The following GPR158 variants were observed in gnomAD, a reference collection of about 807,000 sequenced individuals.
GPR158 encodes the protein metabotropic glycine receptor.
Under a neutral mutation model 78.2 loss-of-function variants are expected in GPR158, and 30 were observed. The ratio of observed to expected loss-of-function variants is 0.38; its 90% CI spans 0.29 to 0.52. The LOEUF (loss-of-function observed/expected upper bound fraction) is 0.52, where lower values mean the gene tolerates loss of function less well. Ranked by LOEUF, GPR158 falls within the 20% of genes least tolerant of loss-of-function variation. The probability of loss-of-function intolerance (pLI) is 0.83; values close to 1 mark genes in which losing one functional copy is unlikely to be tolerated. For synonymous variants in GPR158, 581 were observed against 591.1 expected (o/e 0.98, Z 0.25); for missense variants, 1,463 against 1,523.5 (o/e 0.96, Z 0.66).
intron 2 of GPR158, among the ~76,000 whole-genome samples, chr10:25,225,183 C>CTTT (rs60603738): frequency 0.11 from 15,202 of 134,576 alleles, 1,038 homozygotes; most frequent in East Asian, 0.27. Context: ...GAACATTTGC[C>CTTT]TTTTTTTTTT....
chr10:25,484,488 G>T (rs1292637787), intron 5 of GPR158, among the ~76,000 whole-genome samples: 1 of 152,146 alleles, frequency 6.6e-6, no homozygotes, highest in Non-Finnish European at 1.5e-5. Context: ...ACACAATTTG[G>T]CAGTAGACTA....
At chr10:25,407,651 C>T (rs1834532202) in intron 3 of GPR158, among the ~76,000 whole-genome samples, 1 of 152,114 alleles carries the variant, frequency 6.6e-6, no homozygotes, top group South Asian at 2.1e-4. Flanking sequence ...ATACTAAACA[C>T]CTTGGAGACA....
At chr10:25,426,041 A>G (rs7901978) in intron 4 of GPR158, among the ~76,000 whole-genome samples, 126,353 of 152,098 alleles carry the variant, frequency 0.83, 53,624 homozygotes, top group African/African-American at 0.91. Context: ...TAAACAAACT[A>G]AGTTAAAATT....
chr10:25,500,657 G>C (rs1025332149), intron 5 of GPR158, among the ~76,000 whole-genome samples: 3 of 152,144 alleles, frequency 2.0e-5, no homozygotes, highest in African/African-American at 4.8e-5. Context: ...ATTTTTCTCT[G>C]TTTTCTTTGC....
At chr10:25,330,946 T>A (rs1038312059) in intron 2 of GPR158, among the ~76,000 whole-genome samples, 11 of 152,158 alleles carry the variant, frequency 7.2e-5, no homozygotes, top group Non-Finnish European at 1.6e-4. Context: ...AAATATTTTG[T>A]TTATTTACTT....
intron 2 of GPR158, among the ~76,000 whole-genome samples, chr10:25,297,830 C>A (rs1259127733): frequency 6.6e-6 from 1 of 152,134 alleles, no homozygotes; most frequent in African/African-American, 2.4e-5. Context: ...AGCAAGGACA[C>A]CCCCTACAAG....
chr10:25,556,983 A>G (rs542839371), intron 6 of GPR158, among the ~76,000 whole-genome samples: 1 of 152,340 alleles, frequency 6.6e-6, no homozygotes, highest in South Asian at 2.1e-4. Flanking sequence ...TGAGATGAAG[A>G]TTTAAGGTTT....
At chr10:25,433,562 TGTGTGTGTGC>T (rs1399359256) in intron 4 of GPR158, among the ~76,000 whole-genome samples, 2 of 148,114 alleles carry the variant, frequency 1.4e-5, no homozygotes, top group African/African-American at 5.0e-5. Context: ...TGTGTGTGTG[TGTGTGTGTGC>T]GCGCGCGCGT....
chr10:25,503,893 CTT>C (rs60614079), intron 5 of GPR158, among the ~76,000 whole-genome samples: 17 of 140,638 alleles, frequency 1.2e-4, no homozygotes, highest in East Asian at 4.1e-4. Flanking sequence ...TCTATTTTCA[CTT>C]TTTTTTTTTT....
chr10:25,290,671 G>A (rs1476426469), intron 2 of GPR158, among the ~76,000 whole-genome samples: 1 of 151,782 alleles, frequency 6.6e-6, no homozygotes, highest in East Asian at 1.9e-4. Flanking sequence ...CTTTGTGGGA[G>A]GGAGGTGGTC....
At chr10:25,474,213 T>C (rs547608181) in intron 5 of GPR158, among the ~76,000 whole-genome samples, 9 of 152,202 alleles carry the variant, frequency 5.9e-5, no homozygotes, top group African/African-American at 2.2e-4. Flanking sequence ...GGAAGGCAGC[T>C]CTGCAACACC....
intron 4 of GPR158, among the ~76,000 whole-genome samples, chr10:25,428,428 T>C (rs1834852423): frequency 6.6e-6 from 1 of 152,116 alleles, no homozygotes; most frequent in Admixed American, 6.6e-5. Context: ...CTGATGAGAC[T>C]GTCATTTCAG....
At position 25,596,771 on chromosome 10, in the gene GPR158, G is replaced by C. The variant is rs760398849; in HGVS notation, c.2127G>C (p.Leu709Phe). Reference sequence around the variant, plus strand: ...ATTCAGCCTGGAGTGAGCACAGCTTGGATCCAGAGGACATTCGGGTAATGC... The same window carrying C: ...ATTCAGCCTGGAGTGAGCACAGCTTCGATCCAGAGGACATTCGGGTAATGC... ...SINSAWSEHS[L>F]DPEDIRDELK... Residue 709 changes from leucine to phenylalanine, a missense_variant, in exon 10 of 11, where the codon TTG becomes TTC. Transcript: ENST00000376351. 6.2e-7 allele frequency: 1 copy of C among 1,613,330 alleles called. No homozygotes were observed. Among genetic ancestry groups the C allele is most frequent in the Admixed American group, 1.7e-5 (1 of 59,882 alleles).
intron 5 of GPR158, among the ~76,000 whole-genome samples, chr10:25,545,692 G>A (rs1027160046): frequency 1.3e-5 from 2 of 151,958 alleles, no homozygotes; most frequent in African/African-American, 2.4e-5. Flanking sequence ...ATCCGAATTC[G>A]ATGTCCCATA....
intron 1 of GPR158, among the ~76,000 whole-genome samples, chr10:25,178,028 T>G (rs1002716674): frequency 6.6e-5 from 10 of 152,318 alleles, no homozygotes; most frequent in African/African-American, 1.2e-4. Flanking sequence ...AAATGAGTCT[T>G]TTTAGGGAGC....
chr10:25,411,750 A>T (rs1834587008), intron 3 of GPR158, among the ~76,000 whole-genome samples: 1 of 152,058 alleles, frequency 6.6e-6, no homozygotes, highest in East Asian at 1.9e-4. Context: ...TCTGGCTAAC[A>T]CAGTGAAACC....
intron 4 of GPR158, among the ~76,000 whole-genome samples, chr10:25,464,063 A>T (rs1835391571): frequency 6.6e-6 from 1 of 152,200 alleles, no homozygotes; most frequent in African/African-American, 2.4e-5. Context: ...ACATTTTATT[A>T]TGGAACCACT....
chr10:25,240,846 T>C (rs1853594577), intron 2 of GPR158, among the ~76,000 whole-genome samples: 1 of 152,234 alleles, frequency 6.6e-6, no homozygotes, highest in Non-Finnish European at 1.5e-5. Flanking sequence ...TTCTTTACTC[T>C]TGAATCAATA....
At chr10:25,382,284 G>T (rs1834165474) in intron 2 of GPR158, among the ~76,000 whole-genome samples, 1 of 152,192 alleles carries the variant, frequency 6.6e-6, no homozygotes, top group Non-Finnish European at 1.5e-5. Flanking sequence ...CCCCCACAAG[G>T]CATCTTGCTG....
Sources: allele counts gnomAD v4.1 joint callset (sites outside exome capture counted in the v4.1 genomes callset), GRCh38; gene constraint gnomAD v4.1.1; transcripts MANE v1.5; gene names NCBI Gene and HGNC (gene_info 2026-07-23, HGNC 2026-07-21).